ELP4: variants seen among roughly 807,000 people sequenced by gnomAD.
ELP4 encodes the protein elongator complex protein 4.
ELP4 carries 51 observed loss-of-function variants against 48.9 expected under a neutral mutation model. The ratio of observed to expected loss-of-function variants is 1.04; its 90% confidence interval spans 0.83 to 1.32. The LOEUF is 1.32. Among genes scored for constraint, ELP4 ranks in the 40% most tolerant of loss-of-function variants. The pLI is 0.00. For missense variants in ELP4, 519 were observed against 514.6 expected, an observed-to-expected ratio of 1.01 and a Z score of -0.08; for synonymous variants, 210 against 189.2, an observed-to-expected ratio of 1.11 and a Z score of -0.90.
At chr11:31,698,719 T>C (rs1382202419) in intron 9 of ELP4, among the ~76,000 whole-genome samples, 1 of 152,100 alleles carries the variant, frequency 6.6e-6, no homozygotes, top group Admixed American at 6.6e-5. Flanking sequence ...ACCTGGAAAT[T>C]TTAAATTATA....
chr11:31,581,068 A>G (rs994084467), intron 3 of ELP4, among the ~76,000 whole-genome samples: 2 of 152,142 alleles, frequency 1.3e-5, no homozygotes, highest in Non-Finnish European at 2.9e-5. Context: ...TTTTTTATCT[A>G]TATGAATTAC....
intron 3 of ELP4, among the ~76,000 whole-genome samples, chr11:31,592,497 T>G (rs1314985150): frequency 6.7e-6 from 1 of 149,376 alleles, no homozygotes; most frequent in Admixed American, 6.7e-5. Context: ...TATATATGTG[T>G]GTATATATGT....
chr11:31,746,006 G>A (rs368794838), intron 9 of ELP4, among the ~76,000 whole-genome samples: 1 of 151,920 alleles, frequency 6.6e-6, no homozygotes, highest in African/African-American at 2.4e-5. Flanking sequence ...ACAAAGGGCT[G>A]ATATCCAGAA....
chr11:31,712,092 T>C (rs752093025), intron 9 of ELP4, among the ~76,000 whole-genome samples: 6 of 152,006 alleles, frequency 3.9e-5, no homozygotes, highest in Non-Finnish European at 7.4e-5. Context: ...TACCAATACC[T>C]AGGTCTAGTT....
At chr11:31,597,091 C>A (rs1451317461) in intron 4 of ELP4, among the ~76,000 whole-genome samples, 2 of 152,038 alleles carry the variant, frequency 1.3e-5, no homozygotes, top group African/African-American at 2.4e-5. Flanking sequence ...TTGGTAGTAA[C>A]CTTCACGATT....
chr11:31,686,797 A>T (rs1284357837), intron 9 of ELP4, among the ~76,000 whole-genome samples: 1 of 150,884 alleles, frequency 6.6e-6, no homozygotes, highest in Non-Finnish European at 1.5e-5. Flanking sequence ...TGAGCTGGGG[A>T]GGTGGAGGTT....
intron 9 of ELP4, among the ~76,000 whole-genome samples, chr11:31,749,786 C>G (rs1269296901): frequency 1.3e-5 from 2 of 151,832 alleles, no homozygotes; most frequent in African/African-American, 4.8e-5. Flanking sequence ...TAAATAGATG[C>G]ATTTCTTGAA....
intron 9 of ELP4, among the ~76,000 whole-genome samples, chr11:31,744,074 C>T (rs1013592817): frequency 6.6e-6 from 1 of 152,118 alleles, no homozygotes; most frequent in Non-Finnish European, 1.5e-5. Flanking sequence ...CCACCGATCC[C>T]ACAGAAATAC....
chr11:31,548,905 A>T (rs1956785284), intron 3 of ELP4, among the ~76,000 whole-genome samples: 1 of 152,070 alleles, frequency 6.6e-6, no homozygotes, highest in East Asian at 1.9e-4. Context: ...CTATTTAATA[A>T]ATGGTGCTGG....
rs1318845157 is a variant in ELP4, at chr11:31,560,736, A to ATATATATATAAAACAACG, written c.381+20954_381+20955insATATATATAAAACAACGT. On this transcript the variant is annotated intron_variant, in intron 3 of 9. Transcript: ENST00000640961. ...TTGTTTTATATATATATAAAACAAC[A>ATATATATATAAAACAACG]TTGTTTTGTATATATATACGTACAG... Among the ~76,000 whole-genome samples, 544 of 59,748 alleles carry ATATATATATAAAACAACG rather than the reference A, an allele frequency of 9.1e-3. 2 individuals are homozygous for ATATATATATAAAACAACG. The highest frequency in any genetic ancestry group is 0.052 in the Middle Eastern group (5 of 96). 39.2% of individuals were successfully genotyped at this position (59,748 alleles called of 152,430 possible).
At chr11:31,641,794 A>T (rs919654147) in intron 7 of ELP4, among the ~76,000 whole-genome samples, 1 of 151,780 alleles carries the variant, frequency 6.6e-6, no homozygotes, top group Non-Finnish European at 1.5e-5. Flanking sequence ...ATAATTTTAT[A>T]CTCAATATGG....
At chr11:31,682,913 C>A (rs1264065954) in intron 9 of ELP4, among the ~76,000 whole-genome samples, 1 of 152,084 alleles carries the variant, frequency 6.6e-6, no homozygotes, top group Non-Finnish European at 1.5e-5. Flanking sequence ...ATTTTGACAC[C>A]TTGCCCATTT....
chr11:31,613,300 G>A (rs543525931), intron 5 of ELP4, among the ~76,000 whole-genome samples: 5 of 152,146 alleles, frequency 3.3e-5, no homozygotes, highest in Non-Finnish European at 7.4e-5. Flanking sequence ...TTCAGGAGAT[G>A]TTAATTTAGC....
chr11:31,612,213 T>C (rs1268170358), intron 5 of ELP4, among the ~76,000 whole-genome samples: 1 of 152,112 alleles, frequency 6.6e-6, no homozygotes, highest in African/African-American at 2.4e-5. Context: ...AAAAAATTAA[T>C]AAAGAGGGAA....
chr11:31,759,955 G>A (rs1002961651), intron 9 of ELP4, among the ~76,000 whole-genome samples: 17 of 152,002 alleles, frequency 1.1e-4, no homozygotes, highest in African/African-American at 3.9e-4. Context: ...CACCTGCCTC[G>A]CCTTCCCAAA....
chr11:31,747,218 ACAGT>A (rs1947615126), intron 9 of ELP4, among the ~76,000 whole-genome samples: 1 of 152,202 alleles, frequency 6.6e-6, no homozygotes, highest in Non-Finnish European at 1.5e-5. Flanking sequence ...TGCAAAACAG[ACAGT>A]CCTTGTGTTT....
intron 3 of ELP4, among the ~76,000 whole-genome samples, chr11:31,550,236 G>T (rs1158550580): frequency 6.6e-6 from 1 of 152,036 alleles, no homozygotes; most frequent in Non-Finnish European, 1.5e-5. Flanking sequence ...ATTTAAGTGA[G>T]TATAAAATAC....
chr11:31,622,632 T>A (rs551787466), intron 5 of ELP4, among the ~76,000 whole-genome samples: 2 of 151,698 alleles, frequency 1.3e-5, no homozygotes, highest in African/African-American at 2.4e-5. Context: ...AGTTTGTTGA[T>A]AGGAATTAAA....
chr11:31,693,199 T>G (rs1348101268), intron 9 of ELP4, among the ~76,000 whole-genome samples: 3 of 152,150 alleles, frequency 2.0e-5, no homozygotes, highest in Non-Finnish European at 2.9e-5. Context: ...AGGGTACATG[T>G]GCATAACATG....
Sources: allele counts gnomAD v4.1 joint callset (sites outside exome capture counted in the v4.1 genomes callset), GRCh38; gene constraint gnomAD v4.1.1; transcripts MANE v1.5; gene names NCBI Gene and HGNC (gene_info 2026-07-23, HGNC 2026-07-21).